The following LPCAT3 variants were observed in gnomAD, a reference collection of about 807,000 sequenced individuals.
LPCAT3 encodes lysophosphatidylcholine acyltransferase 3, also known as lysophospholipid acyltransferase 5.
Under a neutral mutation model 63.4 loss-of-function variants are expected in LPCAT3, and 21 were observed. The ratio of observed to expected loss-of-function variants is 0.33; its 90% CI spans 0.23 to 0.48. The LOEUF is 0.48. LPCAT3 is among the 20% of genes least tolerant of loss of function. The pLI, the probability that LPCAT3 is intolerant of heterozygous loss-of-function variation, is 0.99. For missense variants in LPCAT3, 451 were observed against 590.6 expected (o/e 0.76, Z 2.45); for synonymous variants, 242 against 227.5 (o/e 1.06, Z -0.58).
chr12:6,994,051 G>A (rs182828585), intron 1 of LPCAT3, among the ~76,000 whole-genome samples: 3 of 152,294 alleles, frequency 2.0e-5, no homozygotes, highest in East Asian at 1.9e-4. Flanking sequence ...TGCCTAGGCC[G>A]GTCTTGAACT....
At chr12:6,998,602 A>G (rs1555156283) in intron 1 of LPCAT3, among the ~76,000 whole-genome samples, 3 of 152,242 alleles carry the variant, frequency 2.0e-5, no homozygotes, top group African/African-American at 7.2e-5. Context: ...AGAACTTCAT[A>G]TAATGAGATA....
At chr12:7,007,421 T>C (rs1038229518) in intron 1 of LPCAT3, among the ~76,000 whole-genome samples, 21 of 152,004 alleles carry the variant, frequency 1.4e-4, no homozygotes, top group Admixed American at 2.6e-4. Context: ...TATGACCGTG[T>C]ACAGTTTTCT....
chr12:6,994,721 T>C (rs1946622362), intron 1 of LPCAT3, among the ~76,000 whole-genome samples: 1 of 152,174 alleles, frequency 6.6e-6, no homozygotes, highest in African/African-American at 2.4e-5. Flanking sequence ...TCCCAAAGTG[T>C]TGGGATTACA....
chr12:7,001,798 T>C (rs1401072244), intron 1 of LPCAT3, among the ~76,000 whole-genome samples: 8 of 152,148 alleles, frequency 5.3e-5, no homozygotes, highest in African/African-American at 1.7e-4. Context: ...TTCACTAACA[T>C]TTTTCTGTAT....
rs77005279 is a variant in LPCAT3 at position 6,978,886 on chromosome 12, C to T, written c.787-197G>A. ...GCAGAGGGCCTGGAGAATATTCATT[C>T]GCCTTTCCCTTGGAGAGCCTCAAGG... On this transcript the variant is annotated intron_variant, in intron 7 of 12. Transcript: ENST00000261407. 1,780 of 705,238 alleles carry T rather than the reference C, an allele frequency of 2.5e-3. 19 individuals carry two copies. The East Asian group carries it at 0.028, about 11-fold the overall frequency. 43.7% of individuals were successfully genotyped at this position (705,238 alleles called of 1,614,324 possible). A position where few individuals can be genotyped will look rare whatever the true frequency, so the allele number is the denominator to read the frequency against.
chr12:6,977,476 A>G lies in LPCAT3; in HGVS notation c.1238T>C (p.Ile413Thr), dbSNP rs782434418. Residue 413 changes from isoleucine to threonine, a missense_variant, in exon 11 of 13, where the codon ATT (isoleucine) becomes ACT (threonine). Ile to Thr is a moderately conservative substitution (Grantham distance 89). Around this residue, in one of 3 missense-constraint regions of LPCAT3, gnomAD observed 304 missense variants for 390.8 expected, o/e 0.78. Transcript: ENST00000261407. This position sits in a 1 kb window ranked among gnomAD's most constrained non-coding sequence, Gnocchi z 4.5. Reference protein sequence around the residue: ...ESPTLSKLAAITVLQPFYYLV... With the variant: ...ESPTLSKLAATTVLQPFYYLV... Reference sequence around the variant, plus strand: ...ATAGTAGAAGGGCTGGAGGACAGTAATGGCGGCCAGCTTGCTCAGGGTGGG... The same window carrying G: ...ATAGTAGAAGGGCTGGAGGACAGTAGTGGCGGCCAGCTTGCTCAGGGTGGG... The G allele has an allele frequency of 1.9e-6, 3 of 1,614,084 alleles. No individual in the cohort carries two copies. Among genetic ancestry groups the G allele is most frequent in the South Asian group, 2.2e-5 (2 of 91,086 alleles).
In LPCAT3 at chr12:7,018,313, A is replaced by C; in HGVS notation, c.112T>G (p.Ser38Ala). Residue 38 changes from serine (S) to alanine (A), a missense_variant, in exon 1 of 13, where the codon TCA becomes GCA. Physicochemically the swap from Ser to Ala is moderately conservative, Grantham distance 99 (BLOSUM62 1). Around this residue, in one of 3 missense-constraint regions of LPCAT3, gnomAD observed 133 missense variants for 152.1 expected, o/e 0.87. Transcript: ENST00000261407. The surrounding 1 kb of genome is among the most constrained non-coding windows in gnomAD (Gnocchi z 4.9). ...LNKLATSLGA[S>A]EQALRLIISI... ...ATGATCAGCCGCAGCGCCTGTTCTG[A>C]CGCGCCCAGGGACGTCGCCAACTTG... 1 of 1,609,004 alleles carries C rather than the reference A, an allele frequency of 6.2e-7. No homozygotes were observed. The highest frequency in any genetic ancestry group is 8.5e-7 in the Non-Finnish European group (1 of 1,178,046).
chr12:6,993,019 C>T lies in LPCAT3; in HGVS notation c.152-9480G>A, dbSNP rs782631028. Among the ~76,000 whole-genome samples the T allele has an allele frequency of 3.3e-5, 5 of 152,150 alleles. No individual in the cohort carries two copies. The South Asian group carries it at 1.0e-3, about 32-fold the overall frequency. ...TTGTATTATTATTTAGCTTAGAATCCATGAATGTGGAACCCACAAATATGG... is the reference window on the plus strand; with the variant it reads ...TTGTATTATTATTTAGCTTAGAATCTATGAATGTGGAACCCACAAATATGG... On this transcript the variant is annotated intron_variant, in intron 1 of 12. Coordinates refer to ENST00000261407, the MANE Select transcript of LPCAT3 (RefSeq NM_005768.6).
At chr12:7,005,375 T>C (rs1555156795) in intron 1 of LPCAT3, among the ~76,000 whole-genome samples, 1 of 152,254 alleles carries the variant, frequency 6.6e-6, no homozygotes, top group Non-Finnish European at 1.5e-5. Context: ...GTTTCCACTT[T>C]TGGCTATTAT....
At chr12:6,991,158 G>C (rs750116719) in intron 1 of LPCAT3, among the ~76,000 whole-genome samples, 1 of 152,116 alleles carries the variant, frequency 6.6e-6, no homozygotes, top group Non-Finnish European at 1.5e-5. Context: ...AAGATGACTG[G>C]ATTCTCAAAT....
intron 1 of LPCAT3, among the ~76,000 whole-genome samples, chr12:7,015,890 G>A (rs1555157563): frequency 6.6e-6 from 1 of 152,154 alleles, no homozygotes; most frequent in Non-Finnish European, 1.5e-5. Flanking sequence ...CACAGCAATA[G>A]CCCAGCAGGA....
At chr12:6,995,894 A>G (rs1202197102) in intron 1 of LPCAT3, among the ~76,000 whole-genome samples, 1 of 152,116 alleles carries the variant, frequency 6.6e-6, no homozygotes, top group Non-Finnish European at 1.5e-5. Context: ...TTATTAATAT[A>G]TCATTATTAT....
rs1946804688 is a variant in LPCAT3, at chr12:7,017,662, T to C, written c.151+612A>G. 6.6e-6 allele frequency among the ~76,000 whole-genome samples: 1 copy of C among 152,138 alleles called. No individual in the cohort carries two copies. Among genetic ancestry groups the C allele is most frequent in the Admixed American group, 6.5e-5 (1 of 15,272 alleles). ...TTTTAAGGAGGTTGTTAGTCCTGTT[T>C]CCCAAGTCCAGCATTAAAATGATAT... On this transcript the variant is annotated intron_variant, in intron 1 of 12. Coordinates refer to ENST00000261407, the MANE Select transcript of LPCAT3 (RefSeq NM_005768.6). This position sits in a 1 kb window ranked among gnomAD's most constrained non-coding sequence, Gnocchi z 4.1.
Position 6,977,851 on chromosome 12 carries a change from T to G in LPCAT3, c.1041-106A>C. On this transcript the variant is annotated intron_variant, in intron 9 of 12. Transcript: ENST00000261407. The surrounding 1 kb of genome is among the most constrained non-coding windows in gnomAD (Gnocchi z 4.5). The stretch of plus-strand genomic sequence containing the variant: ...AGGATTGGATTGGAGTGCTGGTGGG[T>G]TCCCACGTGTAGCCCCCAGAGGGTA... 7.4e-7 allele frequency: 1 copy of G among 1,347,968 alleles called. No homozygotes were observed. Among genetic ancestry groups the G allele is most frequent in the Middle Eastern group, 2.3e-4 (1 of 4,346 alleles). The allele number at this position is 1,347,968 out of a possible 1,614,324, so 83.5% of individuals were successfully genotyped here. A position where few individuals can be genotyped will look rare whatever the true frequency, so the allele number is the denominator to read the frequency against.
At chr12:7,000,361 G>A (rs1485253343) in intron 1 of LPCAT3, among the ~76,000 whole-genome samples, 1 of 151,320 alleles carries the variant, frequency 6.6e-6, no homozygotes, top group African/African-American at 2.4e-5. Flanking sequence ...GCCGAGACAG[G>A]CAGATCACGA....
intron 6 of LPCAT3, 62 bp from the exon 7 acceptor site, chr12:6,979,641 G>T: frequency 1.7e-6 from 2 of 1,173,694 alleles, no homozygotes; most frequent in Non-Finnish European, 1.3e-6. Context: ...TTCACCCTCT[G>T]ACCTTCAGTT....
chr12:6,995,093 A>C (rs1427550004), intron 1 of LPCAT3, among the ~76,000 whole-genome samples: 1 of 149,406 alleles, frequency 6.7e-6, no homozygotes, highest in Admixed American at 6.8e-5. Context: ...TAAGGCATAA[A>C]TTTCTCCCTA....
chr12:6,978,024 C>G, intron 9 of LPCAT3: 4 of 562,272 alleles, frequency 7.1e-6, no homozygotes, highest in Non-Finnish European at 1.3e-5. Context: ...TCTACTCAAG[C>G]TGCCCACACT....
chr12:6,990,895 C>A (rs1295246125), intron 1 of LPCAT3, among the ~76,000 whole-genome samples: 8 of 108,222 alleles, frequency 7.4e-5, no homozygotes, highest in African/African-American at 1.2e-4. Context: ...CCAGACTAGG[C>A]AACAGAGCGA....
Sources: gnomAD v4.1 joint callset for allele counts (sites outside exome capture counted in the v4.1 genomes callset) on GRCh38, gnomAD v4.1.1 for gene constraint, gnomAD v4.1.1 regional missense constraint, Gnocchi (gnomAD v3.1) non-coding constraint, MANE v1.5 for transcripts, NCBI Gene and HGNC (gene_info 2026-07-23, HGNC 2026-07-21) for gene names.